Variants in KIF13B observed in about 807,000 individuals in gnomAD.
KIF13B encodes kinesin-like protein KIF13B.
Under a neutral mutation model 222.0 loss-of-function variants are expected in KIF13B, and 127 were observed. The ratio of observed to expected loss-of-function variants is 0.57; its 90% confidence interval spans 0.50 to 0.66. The LOEUF (loss-of-function observed/expected upper bound fraction) is 0.66, where lower values mean the gene tolerates loss of function less well. Among genes scored for constraint, KIF13B ranks in the 30% least tolerant of loss-of-function variants. The pLI, the probability that KIF13B is intolerant of heterozygous loss-of-function variation, is 0.00. For synonymous variants in KIF13B, 976 were observed against 919.0 expected (o/e 1.06, Z -1.12); for missense variants, 2,173 against 2,379.0 (o/e 0.91, Z 1.80).
rs1488170844 is a variant in KIF13B, at chr8:29,073,066, GACGAGGAGGGGT to G, written c.4522-762_4522-751del. ...GGCATCCCGAGCAAGGCAGCAGGGG[GACGAGGAGGGGT>G]ACGAGGAGGGGTATGAGGAGGGGGA... On this transcript the variant is annotated intron_variant, in intron 38 of 39. Coordinates refer to ENST00000524189, the MANE Select transcript of KIF13B (RefSeq NM_015254.4). Among the ~76,000 whole-genome samples, 59 of 145,774 alleles carry G rather than the reference GACGAGGAGGGGT, an allele frequency of 4.0e-4. No homozygotes were observed. In the South Asian group the frequency reaches 4.5e-3, roughly 11 times the overall value.
intron 35 of KIF13B, among the ~76,000 whole-genome samples, chr8:29,106,504 T>C (rs956653961): frequency 3.3e-5 from 5 of 151,434 alleles, no homozygotes; most frequent in African/African-American, 1.2e-4. Flanking sequence ...TGGTGGCGAG[T>C]GCCTGCAATC....
At chr8:29,147,267 A>C in intron 17 of KIF13B, 125 bp downstream of exon 17, 1 of 726,104 alleles carries the variant, frequency 1.4e-6, no homozygotes, top group Non-Finnish European at 2.2e-6. Context: ...GGCTGTTAAC[A>C]CTTATCTTTT....
chr8:29,113,298 AGTACATT>A (rs1809441961), intron 32 of KIF13B, among the ~76,000 whole-genome samples, 158 bp downstream of exon 32: 3 of 152,268 alleles, frequency 2.0e-5, no homozygotes, highest in Admixed American at 2.0e-4. Flanking sequence ...TAAAGCCACA[AGTACATT>A]TTACTATGAA....
intron 2 of KIF13B, among the ~76,000 whole-genome samples, chr8:29,243,417 G>T (rs1474383198): frequency 6.6e-6 from 1 of 151,810 alleles, no homozygotes; most frequent in Admixed American, 6.6e-5. Context: ...AGCACTTTGG[G>T]AGGCCGACGC....
intron 30 of KIF13B, 77 bp downstream of exon 30, chr8:29,118,791 T>A (rs1809721201): frequency 6.8e-7 from 1 of 1,474,650 alleles, no homozygotes; most frequent in African/African-American, 1.4e-5. Context: ...CATGATTGCC[T>A]TATTGTTTCA....
intron 3 of KIF13B, among the ~76,000 whole-genome samples, chr8:29,193,443 A>G (rs1205459354): frequency 6.6e-6 from 1 of 152,186 alleles, no homozygotes; most frequent in Non-Finnish European, 1.5e-5. Context: ...GAGTAGGAGT[A>G]AATAAAATGT....
At chr8:29,133,109 C>T (rs2092547654) in intron 22 of KIF13B, among the ~76,000 whole-genome samples, 1 of 152,122 alleles carries the variant, frequency 6.6e-6, no homozygotes, top group Admixed American at 6.6e-5. Flanking sequence ...TAGAAAGAGG[C>T]CTCTCTCTTG....
At chr8:29,263,171 C>G (rs1247971846), upstream of KIF13B, 2 of 718,886 alleles carry the variant, frequency 2.8e-6, no homozygotes, top group African/African-American at 1.9e-5. Context: ...GGCGCGAGCT[C>G]CGGGCGCTCC....
At chr8:29,232,572 GACC>G in intron 2 of KIF13B, among the ~76,000 whole-genome samples, 2 of 151,952 alleles carry the variant, frequency 1.3e-5, no homozygotes, top group Middle Eastern at 6.9e-3. Context: ...CCCTCACAGT[GACC>G]ACATTCTGCT....
chr8:29,179,556 C>A (rs566108773), intron 8 of KIF13B, among the ~76,000 whole-genome samples: 1 of 152,312 alleles, frequency 6.6e-6, no homozygotes, highest in South Asian at 2.1e-4. Context: ...GAAGCTTAAA[C>A]CCACATTTCT....
chr8:29,222,744 C>T (rs946421847), intron 2 of KIF13B, among the ~76,000 whole-genome samples: 4 of 151,932 alleles, frequency 2.6e-5, no homozygotes, highest in South Asian at 2.1e-4. Context: ...CCAAAGACTT[C>T]GCCATAACTT....
At chr8:29,134,706 G>C (rs1469685045) in intron 21 of KIF13B, among the ~76,000 whole-genome samples, 1 of 152,148 alleles carries the variant, frequency 6.6e-6, no homozygotes, top group African/African-American at 2.4e-5. Context: ...AGAGGAATAA[G>C]GTTCTCAACT....
In KIF13B at chr8:29,091,991, C is replaced by T. The variant is rs527338678; in HGVS notation, c.4458+754G>A. ...GAAAATTCTTTAGTTAAGTCTCAGA[C>T]GATTCACCTGGATTACTGCAACTTG... On this transcript the variant is annotated intron_variant, in intron 37 of 39. Coordinates refer to ENST00000524189, the MANE Select transcript of KIF13B (RefSeq NM_015254.4). Among the ~76,000 whole-genome samples, 4 of 152,334 alleles carry T rather than the reference C, an allele frequency of 2.6e-5. No individual in the cohort carries two copies. The South Asian group carries it at 8.3e-4, about 32-fold the overall frequency.
chr8:29,104,805 G>A (rs1211120108), intron 35 of KIF13B, among the ~76,000 whole-genome samples: 2 of 151,714 alleles, frequency 1.3e-5, no homozygotes, highest in East Asian at 1.9e-4. Context: ...GTGCAGTGGC[G>A]CGATCTCGGC....
chr8:29,093,759 CA>C (rs1808401909), intron 36 of KIF13B, among the ~76,000 whole-genome samples: 1 of 151,554 alleles, frequency 6.6e-6, no homozygotes, highest in Non-Finnish European at 1.5e-5. Context: ...AAGTATACGG[CA>C]AAAAGTTAAA....
At position 29,244,203 on chromosome 8, in the gene KIF13B, C is replaced by T. The variant is rs150998369; in HGVS notation, c.149+1143G>A. ...TAATTTTTTGTATTTTTAGTAGAGACGGGGTTTCACTGTGTTAGCCAGGAT... is the reference window on the plus strand; with the variant it reads ...TAATTTTTTGTATTTTTAGTAGAGATGGGGTTTCACTGTGTTAGCCAGGAT... On this transcript the variant is annotated intron_variant, in intron 2 of 39. Transcript: ENST00000524189. Among the ~76,000 whole-genome samples the T allele has an allele frequency of 1.6e-3, 248 of 152,180 alleles. 7 individuals are homozygous for T. The East Asian group carries it at 0.044, about 27-fold the overall frequency.
At chr8:29,077,797 A>C (rs1807630758) in intron 37 of KIF13B, among the ~76,000 whole-genome samples, 1 of 152,136 alleles carries the variant, frequency 6.6e-6, no homozygotes, top group Non-Finnish European at 1.5e-5. Flanking sequence ...CTCACTCTCC[A>C]TGTAAAAAAG....
chr8:29,171,759 CTTT>C (rs869072795), intron 10 of KIF13B, among the ~76,000 whole-genome samples: 2 of 128,430 alleles, frequency 1.6e-5, no homozygotes, highest in Non-Finnish European at 1.6e-5. Context: ...TTTTTTTCTT[CTTT>C]TTTTTTTTTT....
chr8:29,192,681 A>G (rs1813238447), intron 3 of KIF13B, among the ~76,000 whole-genome samples: 1 of 152,222 alleles, frequency 6.6e-6, no homozygotes. Context: ...CAGAAGTCTA[A>G]AAGGTTAATT....
Sources: gnomAD v4.1 joint callset for allele counts (sites outside exome capture counted in the v4.1 genomes callset) on GRCh38, gnomAD v4.1.1 for gene constraint, MANE v1.5 for transcripts, NCBI Gene and HGNC (gene_info 2026-07-23, HGNC 2026-07-21) for gene names.